The following MNAT1 variants were observed in gnomAD, a reference collection of about 807,000 sequenced individuals.
MNAT1 encodes the protein CDK-activating kinase assembly factor MAT1.
Under a neutral mutation model 42.0 loss-of-function variants are expected in MNAT1, and 43 were observed. That is an observed-to-expected ratio of 1.02 (90% CI 0.80 to 1.32). The LOEUF is 1.32. MNAT1 is among the 40% of genes most tolerant of loss of function. The pLI, the probability that MNAT1 is intolerant of heterozygous loss-of-function variation, is 0.00. For missense variants in MNAT1, 306 were observed against 350.4 expected (o/e 0.87, Z 1.01); for synonymous variants, 118 against 120.0 (o/e 0.98, Z 0.11).
chr14:60,745,219 A>T (rs1433593871), intron 1 of MNAT1, among the ~76,000 whole-genome samples: 1 of 152,172 alleles, frequency 6.6e-6, no homozygotes, highest in Non-Finnish European at 1.5e-5. Flanking sequence ...CCCATCTCTC[A>T]GGGATGTCCT....
At chr14:60,872,655 G>A (rs1481064926) in intron 6 of MNAT1, among the ~76,000 whole-genome samples, 1 of 130,500 alleles carries the variant, frequency 7.7e-6, no homozygotes, top group Non-Finnish European at 1.7e-5. Context: ...ATTTTTCTTT[G>A]CTGTAAATAC....
At chr14:60,965,148 G>A (rs188366199) in intron 7 of MNAT1, among the ~76,000 whole-genome samples, 1 of 152,230 alleles carries the variant, frequency 6.6e-6, no homozygotes, top group Admixed American at 6.5e-5. Flanking sequence ...TTGCTAGAAG[G>A]GAAGGGCATT....
At chr14:60,784,621 C>G (rs890244339) in intron 1 of MNAT1, among the ~76,000 whole-genome samples, 2 of 151,244 alleles carry the variant, frequency 1.3e-5, no homozygotes, top group African/African-American at 2.4e-5. Flanking sequence ...TACAGTTGCC[C>G]GCCACTGTGC....
intron 6 of MNAT1, among the ~76,000 whole-genome samples, chr14:60,856,873 G>T (rs1292039594): frequency 6.6e-6 from 1 of 151,984 alleles, no homozygotes; most frequent in Non-Finnish European, 1.5e-5. Context: ...TAGAGATGGG[G>T]TTTCACCATA....
rs60838198 is a variant in MNAT1, at chr14:60,826,307, ATTTTTT to A, written c.687+7482_687+7487del. On this transcript the variant is annotated intron_variant, in intron 6 of 7. Coordinates refer to ENST00000261245, the MANE Select transcript of MNAT1 (RefSeq NM_002431.4). ...ACTATTTTATGCATGAATAGGAGAA[ATTTTTT>A]TTTTTTTTTTTTTTTTTTTTTGAGA... Among the ~76,000 whole-genome samples the A allele has an allele frequency of 4.4e-3, 531 of 119,666 alleles. 6 individuals carry two copies. The highest frequency in any genetic ancestry group is 0.015 in the African/African-American group (492 of 32,112). The allele number at this position is 119,666 out of a possible 152,430, so 78.5% of individuals were successfully genotyped here. A position where few individuals can be genotyped will look rare whatever the true frequency, so the allele number is the denominator to read the frequency against.
At chr14:60,868,573 C>G (rs1488969212) in intron 6 of MNAT1, among the ~76,000 whole-genome samples, 1 of 152,286 alleles carries the variant, frequency 6.6e-6, no homozygotes, top group East Asian at 1.9e-4. Context: ...GTGGAATGCA[C>G]AGTCTCACTG....
chr14:60,739,954 G>T (rs1896416794), intron 1 of MNAT1, among the ~76,000 whole-genome samples: 1 of 152,188 alleles, frequency 6.6e-6, no homozygotes, highest in Non-Finnish European at 1.5e-5. Flanking sequence ...AGGAGTTCGA[G>T]ACCATCCTGG....
intron 1 of MNAT1, among the ~76,000 whole-genome samples, chr14:60,783,334 G>T (rs970202149): frequency 9.9e-5 from 15 of 152,156 alleles, no homozygotes; most frequent in African/African-American, 3.6e-4. Context: ...AGGTCATTTT[G>T]TCTTGCTATC....
At chr14:60,898,745 G>T (rs1171621888) in intron 7 of MNAT1, among the ~76,000 whole-genome samples, 1 of 152,066 alleles carries the variant, frequency 6.6e-6, no homozygotes, top group Non-Finnish European at 1.5e-5. Context: ...TTGCTGTGCA[G>T]AAGTTTTTAG....
chr14:60,902,897 C>G (rs770901067), intron 7 of MNAT1, among the ~76,000 whole-genome samples: 5 of 151,656 alleles, frequency 3.3e-5, no homozygotes, highest in Non-Finnish European at 7.4e-5. Context: ...GTTTCTATAC[C>G]TAGTTCTATT....
chr14:60,849,287 C>T (rs1008122889), intron 6 of MNAT1, among the ~76,000 whole-genome samples: 14 of 152,114 alleles, frequency 9.2e-5, no homozygotes, highest in Admixed American at 2.6e-4. Flanking sequence ...CTTACTTTTC[C>T]GTAAGATACA....
At chr14:60,868,882 C>G (rs2034261617) in intron 6 of MNAT1, among the ~76,000 whole-genome samples, 1 of 151,698 alleles carries the variant, frequency 6.6e-6, no homozygotes, top group Non-Finnish European at 1.5e-5. Flanking sequence ...TCATAGTACA[C>G]AAGACTATGT....
chr14:60,829,394 A>C (rs1201195654), intron 6 of MNAT1, among the ~76,000 whole-genome samples: 2 of 152,208 alleles, frequency 1.3e-5, no homozygotes, highest in Non-Finnish European at 2.9e-5. Context: ...TTCTATGGAT[A>C]TTTAAATGAA....
chr14:60,781,953 T>TG (rs372759722), intron 1 of MNAT1, among the ~76,000 whole-genome samples: 1 of 146,016 alleles, frequency 6.8e-6, no homozygotes, highest in Non-Finnish European at 1.5e-5. Context: ...TGGATTTTGT[T>TG]TGTGTGTGTG....
chr14:60,868,083 A>G (rs2034245897), intron 6 of MNAT1, among the ~76,000 whole-genome samples: 1 of 152,014 alleles, frequency 6.6e-6, no homozygotes, highest in African/African-American at 2.4e-5. Flanking sequence ...AAACAACTGA[A>G]TTACCAAAGA....
At chr14:60,775,666 C>T (rs1283652146) in intron 1 of MNAT1, among the ~76,000 whole-genome samples, 1 of 152,038 alleles carries the variant, frequency 6.6e-6, no homozygotes, top group African/African-American at 2.4e-5. Context: ...TTGTAGATAA[C>T]AACAGAGATA....
intron 7 of MNAT1, among the ~76,000 whole-genome samples, chr14:60,890,301 G>C (rs571907833): frequency 6.6e-6 from 1 of 152,026 alleles, no homozygotes. Flanking sequence ...ATAAATTTAC[G>C]TACTCATGAT....
intron 7 of MNAT1, among the ~76,000 whole-genome samples, chr14:60,889,128 G>GC (rs1339053474): frequency 6.6e-6 from 1 of 152,104 alleles, no homozygotes; most frequent in Non-Finnish European, 1.5e-5. Context: ...CCAAAAAAGA[G>GC]CCCGCATCGC....
chr14:60,741,755 G>GCCTGGGCCT (rs1250215036), intron 1 of MNAT1, among the ~76,000 whole-genome samples: 3 of 142,442 alleles, frequency 2.1e-5, no homozygotes, highest in Non-Finnish European at 3.0e-5. Context: ...TGATCCTCCT[G>GCCTGGGCCT]CCTGGGCCTC....
Sources: gnomAD v4.1 joint callset for allele counts (sites outside exome capture counted in the v4.1 genomes callset) on GRCh38, gnomAD v4.1.1 for gene constraint, MANE v1.5 for transcripts, NCBI Gene and HGNC (gene_info 2026-07-23, HGNC 2026-07-21) for gene names.